The following MEIS2 variants were observed in gnomAD, a reference collection of about 807,000 sequenced individuals.
The protein encoded by MEIS2 is Meis homeobox 2.
In MEIS2, 9 loss-of-function variants were observed where a neutral mutation model predicts 58.6. The observed-to-expected ratio is 0.15, with a 90% CI of 0.09 to 0.27. The LOEUF is 0.27. MEIS2 is among the 10% of genes least tolerant of loss of function. The probability of loss-of-function intolerance (pLI) is 1.00; values close to 1 mark genes in which losing one functional copy is unlikely to be tolerated. For missense variants in MEIS2, 427 were observed against 635.0 expected (o/e 0.67, Z 3.52); for synonymous variants, 221 against 228.4 (o/e 0.97, Z 0.29).
chr15:36,919,493 T>G (rs986022042), intron 9 of MEIS2, among the ~76,000 whole-genome samples: 8 of 151,470 alleles, frequency 5.3e-5, no homozygotes, highest in African/African-American at 1.9e-4. Context: ...CAGGAGAATC[T>G]GTTGAACCCG....
chr15:36,922,448 G>A (rs1407823591), intron 9 of MEIS2, among the ~76,000 whole-genome samples: 3 of 150,528 alleles, frequency 2.0e-5, no homozygotes, highest in Admixed American at 6.6e-5. Flanking sequence ...CTCATTTTAC[G>A]TTTTAACTAC....
chr15:37,031,081 C>T (rs887725387), intron 8 of MEIS2, among the ~76,000 whole-genome samples: 4 of 152,178 alleles, frequency 2.6e-5, no homozygotes, highest in Admixed American at 6.5e-5. Context: ...ATTATAGTTA[C>T]TTTATATATG....
chr15:37,078,684 G>C (rs1891787441), intron 7 of MEIS2, among the ~76,000 whole-genome samples: 2 of 148,636 alleles, frequency 1.3e-5, no homozygotes, highest in South Asian at 4.2e-4. Context: ...CTCCATGTTA[G>C]GTAGTTCACT....
At chr15:36,956,902 A>T (rs1260503067) in intron 8 of MEIS2, among the ~76,000 whole-genome samples, 1 of 151,264 alleles carries the variant, frequency 6.6e-6, no homozygotes, top group East Asian at 1.9e-4. Flanking sequence ...AAAAAAAAAA[A>T]AAAAAAGGAG....
chr15:37,081,957 G>A (rs1464094594), intron 7 of MEIS2, among the ~76,000 whole-genome samples: 9 of 152,220 alleles, frequency 5.9e-5, no homozygotes, highest in South Asian at 2.1e-4. Flanking sequence ...TGCTTTGCTC[G>A]TTATTACAAG....
intron 7 of MEIS2, among the ~76,000 whole-genome samples, chr15:37,046,999 C>T (rs1172431668): frequency 6.6e-6 from 1 of 151,994 alleles, no homozygotes; most frequent in Non-Finnish European, 1.5e-5. Flanking sequence ...CATTCCTCTG[C>T]CATTATAATT....
chr15:36,892,021 A>T lies in MEIS2; in HGVS notation c.*152T>A. 1.3e-6 allele frequency: 1 copy of T among 786,318 alleles called. No individual in the cohort carries two copies. Among genetic ancestry groups the T allele is most frequent in the Non-Finnish European group, 2.1e-6 (1 of 474,956 alleles). The allele number at this position is 786,318 out of a possible 1,614,324, so 48.7% of individuals were successfully genotyped here. A position where few individuals can be genotyped will look rare whatever the true frequency, so the allele number is the denominator to read the frequency against. ...GATTTCACATTTGTGTTCTTGTTGCATTGGTCCTCTGTTGCTTGATGAAAA... is the reference window on the plus strand; with the variant it reads ...GATTTCACATTTGTGTTCTTGTTGCTTTGGTCCTCTGTTGCTTGATGAAAA... On this transcript the variant is annotated 3_prime_UTR_variant, in exon 12 of 12. Coordinates refer to ENST00000561208, the MANE Select transcript of MEIS2 (RefSeq NM_170675.5).
intron 8 of MEIS2, among the ~76,000 whole-genome samples, chr15:36,982,017 C>T (rs565274238): frequency 8.5e-5 from 13 of 152,220 alleles, no homozygotes; most frequent in East Asian, 1.9e-4. Context: ...CCTGGTTCTC[C>T]GGCCTTTGGA....
At chr15:37,077,160 C>T (rs1451982803) in intron 7 of MEIS2, among the ~76,000 whole-genome samples, 1 of 152,008 alleles carries the variant, frequency 6.6e-6, no homozygotes, top group Non-Finnish European at 1.5e-5. Flanking sequence ...AGTGACATAT[C>T]AAAGCTCAAG....
At chr15:36,909,334 G>A (rs1420150995) in intron 9 of MEIS2, among the ~76,000 whole-genome samples, 1 of 152,006 alleles carries the variant, frequency 6.6e-6, no homozygotes, top group Admixed American at 6.6e-5. Flanking sequence ...CACATCTTAA[G>A]TTTTATTATT....
At chr15:36,914,849 C>T (rs1482922482) in intron 9 of MEIS2, among the ~76,000 whole-genome samples, 2 of 152,116 alleles carry the variant, frequency 1.3e-5, no homozygotes, top group African/African-American at 4.8e-5. Context: ...TTAAAAAACC[C>T]CACAAATCTA....
chr15:36,986,880 GT>G lies in MEIS2; in HGVS notation c.901-36481del, dbSNP rs1341342532. Among the ~76,000 whole-genome samples, 5 of 152,260 alleles carry G rather than the reference GT, an allele frequency of 3.3e-5. No homozygotes were observed. The East Asian group carries it at 9.7e-4, about 29-fold the overall frequency. On this transcript the variant is annotated intron_variant, in intron 8 of 11. Coordinates refer to ENST00000561208, the MANE Select transcript of MEIS2 (RefSeq NM_170675.5). ...TGTGAAAATAACTAGTGTGATTTCTGTTTTCTGACTGGACTGTAACTATTAC... is the reference window on the plus strand; with the variant it reads ...TGTGAAAATAACTAGTGTGATTTCTGTTTCTGACTGGACTGTAACTATTAC...
chr15:36,920,966 G>T (rs1168731401), intron 9 of MEIS2, among the ~76,000 whole-genome samples: 16 of 151,826 alleles, frequency 1.1e-4, no homozygotes, highest in African/African-American at 3.9e-4. Flanking sequence ...ACACCCCAAA[G>T]GTTTCAGAAG....
intron 9 of MEIS2, among the ~76,000 whole-genome samples, chr15:36,925,017 C>CAGCACACTCACCTCGGG (rs1183355346): frequency 1.3e-5 from 2 of 152,148 alleles, no homozygotes; most frequent in Admixed American, 1.3e-4. Context: ...ACCGCCCGGG[C>CAGCACACTCACCTCGGG]AGCACACTCA....
chr15:37,068,727 G>A (rs994518631), intron 7 of MEIS2, among the ~76,000 whole-genome samples: 2 of 152,124 alleles, frequency 1.3e-5, no homozygotes, highest in African/African-American at 4.8e-5. Flanking sequence ...AAAGAGGTCA[G>A]GTTTAAGTAA....
chr15:37,002,928 A>C (rs936380107), intron 8 of MEIS2, among the ~76,000 whole-genome samples: 1 of 152,202 alleles, frequency 6.6e-6, no homozygotes, highest in Non-Finnish European at 1.5e-5. Context: ...TTTTAAATTT[A>C]TTAAGTGCAC....
intron 8 of MEIS2, among the ~76,000 whole-genome samples, chr15:37,013,051 G>A (rs572508139): frequency 6.6e-6 from 1 of 152,270 alleles, no homozygotes; most frequent in Non-Finnish European, 1.5e-5. Flanking sequence ...AAGAACGCAA[G>A]TCAAAATGTT....
At chr15:37,057,712 CT>C (rs550091470) in intron 7 of MEIS2, among the ~76,000 whole-genome samples, 5 of 151,654 alleles carry the variant, frequency 3.3e-5, no homozygotes, top group African/African-American at 9.7e-5. Flanking sequence ...GCTTTTTTGT[CT>C]TTTTTCCCCC....
chr15:37,076,789 C>T (rs1891477673), intron 7 of MEIS2, among the ~76,000 whole-genome samples: 1 of 152,002 alleles, frequency 6.6e-6, no homozygotes, highest in South Asian at 2.1e-4. Flanking sequence ...TATGTTTTGC[C>T]TTAACTAAAC....
Sources: allele counts gnomAD v4.1 joint callset (sites outside exome capture counted in the v4.1 genomes callset), GRCh38; gene constraint gnomAD v4.1.1; transcripts MANE v1.5; gene names NCBI Gene and HGNC (gene_info 2026-07-23, HGNC 2026-07-21).